HADHA: variants seen among roughly 807,000 people sequenced by gnomAD.
HADHA encodes the protein trifunctional enzyme subunit alpha, mitochondrial.
A neutral mutation model predicts 91.3 loss-of-function variants in HADHA; 59 were observed. That is an observed-to-expected ratio of 0.65 (90% CI 0.52 to 0.80). The LOEUF is 0.80. Ranked by LOEUF, HADHA falls within the 30% of genes least tolerant of loss-of-function variation. HADHA has a pLI of 0.00. For synonymous variants in HADHA, 320 were observed against 338.9 expected (o/e 0.94, Z 0.61); for missense variants, 800 against 927.6 (o/e 0.86, Z 1.79).
In HADHA at chr2:26,234,315, G is replaced by C; in HGVS notation, c.355C>G (p.Leu119Val). Reference sequence around the variant, plus strand: ...ACTATTCTCTGTGCTTCTTGTGATAGCTGTGTTACTTCTTGAAGGGTCTTG... The same window carrying C: ...ACTATTCTCTGTGCTTCTTGTGATACCTGTGTTACTTCTTGAAGGGTCTTG... ...ACKTLQEVTQ[L>V]SQEAQRIVEK... Residue 119 changes from leucine to valine, a missense_variant, in exon 5 of 20, where the codon CTA becomes GTA. Physicochemically the swap from Leu to Val is conservative, Grantham distance 32. Coordinates refer to ENST00000380649, the MANE Select transcript of HADHA (RefSeq NM_000182.5). The C allele has an allele frequency of 6.2e-7, 1 of 1,612,850 alleles. No homozygotes were observed. Among genetic ancestry groups the C allele is most frequent in the Admixed American group, 1.7e-5 (1 of 60,024 alleles).
rs976556425 is a variant in HADHA, at chr2:26,229,888, A to T, written c.676+304T>A. ...GTTGCCCAGGCTGGAGCACAATGGC[A>T]TGATCTTGGCTCACTGCAACCTCAG... On this transcript the variant is annotated intron_variant, in intron 7 of 19. Transcript: ENST00000380649. This position sits in a 1 kb window ranked among gnomAD's most constrained non-coding sequence, Gnocchi z 4.3. Among the ~76,000 whole-genome samples, 2 of 152,190 alleles carry T rather than the reference A, an allele frequency of 1.3e-5. No homozygotes were observed. The highest frequency in any genetic ancestry group is 2.4e-5 in the African/African-American group (1 of 41,444).
chr2:26,244,466 G>C (rs1671024470), intron 1 of HADHA, 64 bp downstream of exon 1: 16 of 1,512,716 alleles, frequency 1.1e-5, no homozygotes, highest in African/African-American at 1.4e-5. Context: ...CGCGGCTCCG[G>C]GGCCACCCCA....
intron 1 of HADHA, 127 bp downstream of exon 1, chr2:26,244,403 T>TC (rs1407830245): frequency 5.4e-6 from 5 of 925,872 alleles, no homozygotes; most frequent in Non-Finnish European, 8.6e-6. Flanking sequence ...CAGGGCAGTA[T>TC]CCCCACAGAG....
intron 9 of HADHA, among the ~76,000 whole-genome samples, chr2:26,213,420 A>G (rs1457573400): frequency 6.6e-6 from 1 of 152,218 alleles, no homozygotes; most frequent in Non-Finnish European, 1.5e-5. Flanking sequence ...TTCTCAATTC[A>G]TTATTACCAA....
intron 15 of HADHA, 88 bp from the exon 16 acceptor site, chr2:26,194,726 C>A: frequency 1.2e-6 from 1 of 866,756 alleles, no homozygotes; most frequent in Non-Finnish European, 2.0e-6. Context: ...ACTTCAAAGT[C>A]ATTTGAAAGT....
chr2:26,194,900 C>T (rs900009884), intron 15 of HADHA, among the ~76,000 whole-genome samples, 192 bp downstream of exon 15: 1 of 151,972 alleles, frequency 6.6e-6, no homozygotes, highest in Admixed American at 6.6e-5. Flanking sequence ...CTGCCACATC[C>T]TAGATACTCC....
Position 26,230,216 on chromosome 2 carries a change from C to T in HADHA, c.652G>A (p.Val218Ile). Residue 218 changes from valine to isoleucine, a missense_variant, in exon 7 of 20, where the codon GTT (valine) becomes ATT (isoleucine). By Grantham distance (29) the Val-to-Ile change is conservative. Coordinates refer to ENST00000380649, the MANE Select transcript of HADHA (RefSeq NM_000182.5). ...RADRAKKMGL[V>I]DQLVEPLGPG... ...CCCAGGGGTTCCACCAGTTGGTCAA[C>T]CAGTCCCATTTTCTTTGCCCTGTCT... 6.2e-7 allele frequency: 1 copy of T among 1,610,930 alleles called. No individual in the cohort carries two copies. The highest frequency in any genetic ancestry group is 8.5e-7 in the Non-Finnish European group (1 of 1,177,136).
At chr2:26,212,898 G>A (rs1163508717) in intron 9 of HADHA, among the ~76,000 whole-genome samples, 1 of 152,182 alleles carries the variant, frequency 6.6e-6, no homozygotes, top group Non-Finnish European at 1.5e-5. Context: ...ATCTTCAAAT[G>A]TAGGCAGATC....
At chr2:26,230,594 T>C in intron 6 of HADHA, among the ~76,000 whole-genome samples, 1 of 152,114 alleles carries the variant, frequency 6.6e-6, no homozygotes, top group East Asian at 1.9e-4. Flanking sequence ...TTTCTGTTAT[T>C]CTGAGGGGTT....
In HADHA at chr2:26,190,751, C is replaced by A; in HGVS notation, c.*499G>T. ...CCACCAGGTCCCACTTTCTCTCATC[C>A]CAGTCCCTCCCTAAGGTGCTGCCTA... On this transcript the variant is annotated 3_prime_UTR_variant, in exon 20 of 20. Transcript: ENST00000380649. The A allele has an allele frequency of 4.8e-6, 1 of 210,212 alleles. No homozygotes were observed. Among genetic ancestry groups the A allele is most frequent in the Non-Finnish European group, 9.7e-6 (1 of 103,344 alleles). The allele number at this position is 210,212 out of a possible 1,614,324, so 13.0% of individuals were successfully genotyped here.
chr2:26,210,013 G>C lies in HADHA; in HGVS notation c.976-124C>G, dbSNP rs940818355. The C allele has an allele frequency of 1.4e-6, 1 of 715,266 alleles. No homozygotes were observed. The highest frequency in any genetic ancestry group is 2.0e-5 in the Admixed American group (1 of 50,744). The allele number at this position is 715,266 out of a possible 1,614,324, so 44.3% of individuals were successfully genotyped here. On this transcript the variant is annotated intron_variant, in intron 10 of 19. Transcript: ENST00000380649. This position sits in a 1 kb window ranked among gnomAD's most constrained non-coding sequence, Gnocchi z 4.0. Reference sequence around the variant, plus strand: ...GTGAAGCCTGAGTCCCTGGGGATGCGGGGGAGTTTGGGGGTTCAGTGCTGC... The same window carrying C: ...GTGAAGCCTGAGTCCCTGGGGATGCCGGGGAGTTTGGGGGTTCAGTGCTGC...
chr2:26,238,597 A>G (rs1168008933), intron 3 of HADHA, among the ~76,000 whole-genome samples: 1 of 152,230 alleles, frequency 6.6e-6, no homozygotes, highest in East Asian at 1.9e-4. Context: ...ATGGATTAAC[A>G]ACCTCATATT....
At chr2:26,205,259 A>T (rs1215945292) in intron 11 of HADHA, among the ~76,000 whole-genome samples, 1 of 152,242 alleles carries the variant, frequency 6.6e-6, no homozygotes, top group East Asian at 1.9e-4. Context: ...CCAAGTTTAC[A>T]GCACTGTTAT....
chr2:26,230,529 T>C (rs1670598069), intron 6 of HADHA, among the ~76,000 whole-genome samples: 1 of 152,212 alleles, frequency 6.6e-6, no homozygotes, highest in African/African-American at 2.4e-5. Context: ...TAATTCAATA[T>C]ATAGGATTCT....
Position 26,214,384 on chromosome 2 carries a change from G to A in HADHA, c.918+59C>T. ...CATGGTCCAGAATGGCAATAAGGAG[G>A]AGTGATCTATATAAAGGAAGGAAAT... On this transcript the variant is annotated intron_variant, in intron 9 of 19. Transcript: ENST00000380649. This position sits in a 1 kb window ranked among gnomAD's most constrained non-coding sequence, Gnocchi z 4.1. 1 of 840,230 alleles carries A rather than the reference G, an allele frequency of 1.2e-6. No individual in the cohort carries two copies. The highest frequency in any genetic ancestry group is 1.7e-5 in the Admixed American group (1 of 59,106). The allele number at this position is 840,230 out of a possible 1,614,324, so 52.0% of individuals were successfully genotyped here.
rs2147752154 is a variant in HADHA at position 26,193,703 on chromosome 2, G to A, written c.1759C>T (p.Leu587=). ...SFGFPVGAAT[L]VDEVGVDVAK... is the part of the protein sequence containing the mutation. ...ACATCCACACCAACTTCATCCACCA[G>A]TGTGGCGGCACCCACAGGAAAGCCA... Residue 587 remains leucine (L), a synonymous_variant, in exon 17 of 20, where the codon CTG becomes TTG. Coordinates refer to ENST00000380649, the MANE Select transcript of HADHA (RefSeq NM_000182.5). 2 of 1,613,998 alleles carry A rather than the reference G, an allele frequency of 1.2e-6. No homozygotes were observed. Among genetic ancestry groups the A allele is most frequent in the Middle Eastern group, 3.3e-4 (2 of 6,062 alleles).
chr2:26,234,811 G>A (rs956425126), intron 4 of HADHA, among the ~76,000 whole-genome samples: 2 of 151,156 alleles, frequency 1.3e-5, no homozygotes, highest in Non-Finnish European at 2.9e-5. Flanking sequence ...TAAATGTGTT[G>A]CATAATTTAT....
intron 4 of HADHA, among the ~76,000 whole-genome samples, chr2:26,235,592 G>C (rs1433030527): frequency 6.6e-6 from 1 of 152,114 alleles, no homozygotes. Flanking sequence ...TAATTTTTTA[G>C]AAGACCCAAA....
At chr2:26,198,338 C>T (rs60408686) in intron 13 of HADHA, among the ~76,000 whole-genome samples, 272 of 151,568 alleles carry the variant, frequency 1.8e-3, no homozygotes, top group African/African-American at 6.1e-3. Flanking sequence ...AGATTGTCTC[C>T]GCATTCTGGC....
Sources: allele counts gnomAD v4.1 joint callset (sites outside exome capture counted in the v4.1 genomes callset), GRCh38; gene constraint gnomAD v4.1.1; non-coding constraint Gnocchi (gnomAD v3.1); transcripts MANE v1.5; gene names NCBI Gene and HGNC (gene_info 2026-07-23, HGNC 2026-07-21).